Variants in KLHL23 observed in about 807,000 individuals in gnomAD.
KLHL23 encodes the protein kelch-like protein 23.
Under a neutral mutation model 48.9 loss-of-function variants are expected in KLHL23, and 33 were observed. The ratio of observed to expected loss-of-function variants is 0.67; its 90% CI spans 0.51 to 0.90. The LOEUF is 0.90. Among genes scored for constraint, KLHL23 ranks in the 40% least tolerant of loss-of-function variants. KLHL23 has a pLI of 0.00. For missense variants in KLHL23, 608 were observed against 669.6 expected (o/e 0.91, Z 1.02); for synonymous variants, 234 against 231.6 (o/e 1.01, Z -0.09).
intron 3 of KLHL23, among the ~76,000 whole-genome samples, chr2:169,748,783 C>T (rs1016668875): frequency 9.7e-6 from 1 of 103,390 alleles, no homozygotes; most frequent in Non-Finnish European, 2.1e-5. Flanking sequence ...CCCCCCCCCC[C>T]CCCATATACA....
intron 3 of KLHL23, among the ~76,000 whole-genome samples, chr2:169,743,907 G>C (rs913811087): frequency 6.6e-6 from 1 of 152,174 alleles, no homozygotes; most frequent in Admixed American, 6.5e-5. Context: ...TACCTCCTGA[G>C]GAATTAAAAT....
At position 169,749,984 on chromosome 2, in the gene KLHL23, T is replaced by C. The variant is rs1156295884; in HGVS notation, c.*252T>C. 4 of 100,194 alleles carry C rather than the reference T, an allele frequency of 4.0e-5. No homozygotes were observed. Among genetic ancestry groups the C allele is most frequent in the East Asian group, 1.6e-4 (1 of 6,124 alleles). The allele number at this position is 100,194 out of a possible 1,614,324, so 6.2% of individuals were successfully genotyped here. A position where few individuals can be genotyped will look rare whatever the true frequency, so the allele number is the denominator to read the frequency against. On this transcript the variant is annotated 3_prime_UTR_variant, in exon 4 of 4. Transcript: ENST00000392647. ...ATGTATACATATATATGTGTATATA[T>C]ACGTATGTATACATATATGTGTATA...
intron 3 of KLHL23, among the ~76,000 whole-genome samples, chr2:169,744,502 C>T (rs990913434): frequency 6.6e-6 from 1 of 151,124 alleles, no homozygotes; most frequent in African/African-American, 2.4e-5. Context: ...AATGGGAGAT[C>T]GGATGGGAGA....
At chr2:169,740,833 A>G (rs1329301126) in intron 2 of KLHL23, among the ~76,000 whole-genome samples, 2 of 146,546 alleles carry the variant, frequency 1.4e-5, no homozygotes. Flanking sequence ...CTTTTTTGTT[A>G]AAAAAGTAAG....
intron 1 of KLHL23, among the ~76,000 whole-genome samples, chr2:169,734,378 C>T (rs1005239893): frequency 6.7e-6 from 1 of 148,948 alleles, no homozygotes; most frequent in Non-Finnish European, 1.5e-5. Context: ...CTCCTGGCCC[C>T]GGGGCGGGGC....
chr2:169,749,918 T>TATATAG lies in KLHL23; in HGVS notation c.*191_*192insGATATA. The TATATAG allele has an allele frequency of 5.3e-6, 1 of 188,850 alleles. No homozygotes were observed. The allele number at this position is 188,850 out of a possible 1,614,324, so 11.7% of individuals were successfully genotyped here. A position where few individuals can be genotyped will look rare whatever the true frequency, so the allele number is the denominator to read the frequency against. On this transcript the variant is annotated 3_prime_UTR_variant, in exon 4 of 4. Coordinates refer to ENST00000392647, the MANE Select transcript of KLHL23 (RefSeq NM_144711.6). ...ATTCATGGTCAAGAAAAATCTTATA[T>TATATAG]ATATATATATATACACACACACATA... is the stretch of plus-strand genomic sequence containing the variant.
Position 169,735,251 on chromosome 2 carries a change from A to C in KLHL23, c.237A>C (p.Lys79Asn). ...AAGAAAAATTTAAAAATAAAATAAAACTCTCTGGCATCCACCATGATATTC... is the reference window on the plus strand; with the variant it reads ...AAGAAAAATTTAAAAATAAAATAAACCTCTCTGGCATCCACCATGATATTC... ...DMKEKFKNKI[K>N]LSGIHHDILE... is the part of the protein sequence containing the mutation. The change falls in exon 2 of 4, where the codon AAA becomes AAC. Residue 79 changes from lysine to asparagine, a missense_variant. Physicochemically the swap from Lys to Asn is moderately conservative, Grantham distance 94. Transcript: ENST00000392647. This position sits in a 1 kb window ranked among gnomAD's most constrained non-coding sequence, Gnocchi z 4.5. 6.2e-7 allele frequency: 1 copy of C among 1,604,238 alleles called. No homozygotes were observed. Among genetic ancestry groups the C allele is most frequent in the Non-Finnish European group, 8.5e-7 (1 of 1,177,826 alleles).
At chr2:169,740,766 T>TTATATATATATATATATA (rs55779546) in intron 2 of KLHL23, among the ~76,000 whole-genome samples, 11 of 125,498 alleles carry the variant, frequency 8.8e-5, no homozygotes, top group African/African-American at 3.0e-4. Flanking sequence ...CTTTTTTATA[T>TTATATATATATATATATA]TATATATATA....
rs1442051976 is a variant in KLHL23 at position 169,750,219 on chromosome 2, A to G, written c.*487A>G. The G allele has an allele frequency of 2.6e-5, 4 of 153,814 alleles. No homozygotes were observed. Among genetic ancestry groups the G allele is most frequent in the Non-Finnish European group, 5.9e-5 (4 of 68,114 alleles). The allele number at this position is 153,814 out of a possible 1,614,324, so 9.5% of individuals were successfully genotyped here. ...CTGGTTTTCAAAGGTAATATAGAAT[A>G]TTTGACACTTGGTAAAAGGTGAACT... is the stretch of plus-strand genomic sequence containing the variant. On this transcript the variant is annotated 3_prime_UTR_variant, in exon 4 of 4. Coordinates refer to ENST00000392647, the MANE Select transcript of KLHL23 (RefSeq NM_144711.6).
chr2:169,735,692 C>G lies in KLHL23; in HGVS notation c.678C>G (p.Ile226Met), dbSNP rs1489258258. ...GCCTCTATAATCTACTGAGCTATAT[C>G]AACATTGATATAGATCCAGTGTACT... ...IECLYNLLSY[I>M]NIDIDPVYLK... The change falls in exon 2 of 4, where the codon ATC becomes ATG. Residue 226 changes from isoleucine (I) to methionine (M), a missense_variant. By Grantham distance (10) the Ile-to-Met change is conservative. Transcript: ENST00000392647. This position sits in a 1 kb window ranked among gnomAD's most constrained non-coding sequence, Gnocchi z 4.5. 1 of 1,613,936 alleles carries G rather than the reference C, an allele frequency of 6.2e-7. No homozygotes were observed. The highest frequency in any genetic ancestry group is 8.5e-7 in the Non-Finnish European group (1 of 1,180,026).
Position 169,736,170 on chromosome 2 carries a change from G to A in KLHL23, c.1156G>A (p.Ala386Thr), listed in dbSNP as rs1250699205. 1 of 1,613,846 alleles carries A rather than the reference G, an allele frequency of 6.2e-7. No individual in the cohort carries two copies. The highest frequency in any genetic ancestry group is 8.5e-7 in the Non-Finnish European group (1 of 1,179,992). The change falls in exon 2 of 4, where the codon GCT (alanine) becomes ACT (threonine). Residue 386 changes from alanine (A) to threonine (T), a missense_variant. Physicochemically the swap from Ala to Thr is moderately conservative, Grantham distance 58. Around this residue, in one of 3 missense-constraint regions of KLHL23, gnomAD observed 419 missense variants for 473.1 expected, o/e 0.89. Transcript: ENST00000392647. ...CAGAAAAGGGGCTCCAGCAGAAGAGGCTGAGTTCTATGATCCTTTAAAAGA... is the reference window on the plus strand; with the variant it reads ...CAGAAAAGGGGCTCCAGCAGAAGAGACTGAGTTCTATGATCCTTTAAAAGA... The part of the protein sequence containing the change: ...GYRKGAPAEE[A>T]EFYDPLKEKW...
chr2:169,748,922 A>G (rs1231925479), intron 3 of KLHL23, among the ~76,000 whole-genome samples: 1 of 152,000 alleles, frequency 6.6e-6, no homozygotes. Flanking sequence ...TCTTGAGTTC[A>G]TAACTGGACT....
At chr2:169,745,350 A>G (rs1688770543) in intron 3 of KLHL23, among the ~76,000 whole-genome samples, 1 of 151,880 alleles carries the variant, frequency 6.6e-6, no homozygotes, top group Admixed American at 6.6e-5. Context: ...ATCTCTACTA[A>G]AAATACAAAA....
chr2:169,735,398 G>A lies in KLHL23; in HGVS notation c.384G>A (p.Arg128=). ...TTTCAGTAAAGAAGGCTTGTGAGCG[G>A]TTTTTGGTAAGGCACTTGGATATTG... is the stretch of plus-strand genomic sequence containing the variant. ...QFLSVKKACE[R]FLVRHLDIDN... The change falls in exon 2 of 4, where the codon CGG becomes CGA. Residue 128 remains arginine, a synonymous_variant. Transcript: ENST00000392647. This position sits in a 1 kb window ranked among gnomAD's most constrained non-coding sequence, Gnocchi z 4.5. 1.9e-5 allele frequency: 30 copies of A among 1,613,576 alleles called. No individual in the cohort carries two copies. The highest frequency in any genetic ancestry group is 2.5e-5 in the Non-Finnish European group (30 of 1,179,928).
Position 169,733,961 on chromosome 2 carries a change from G to A in KLHL23, c.-129G>A, listed in dbSNP as rs577712049. The stretch of plus-strand genomic sequence containing the variant: ...CACCAAAATAGGAGCTGCTTGTGGG[G>A]TGGAGCGGCACTAGCTGGCGGCTTC... On this transcript the variant is annotated 5_prime_UTR_variant, in exon 1 of 4. In the 5' UTR this introduces an upstream ATG that the reference lacks. Transcript: ENST00000392647. The A allele has an allele frequency of 6.6e-6, 1 of 152,134 alleles. No homozygotes were observed. Among genetic ancestry groups the A allele is most frequent in the African/African-American group, 2.4e-5 (1 of 41,418 alleles). The allele number at this position is 152,134 out of a possible 1,614,324, so 9.4% of individuals were successfully genotyped here.
chr2:169,744,831 AC>A (rs1319596213), intron 3 of KLHL23, among the ~76,000 whole-genome samples: 1 of 151,362 alleles, frequency 6.6e-6, no homozygotes, highest in African/African-American at 2.4e-5. Flanking sequence ...TGCTGGGATT[AC>A]AGGCTTGAGC....
At chr2:169,738,863 CTCTCTTCCCCCTTCCCCTCCCT>C (rs1688590874) in intron 2 of KLHL23, among the ~76,000 whole-genome samples, 1 of 2,762 alleles carries the variant, frequency 3.6e-4, no homozygotes. Context: ...TCACCCTCCC[CTCTCTTCCCCCTTCCCCTCCCT>C]CTCCTCCCTA....
chr2:169,745,479 A>C (rs1340092887), intron 3 of KLHL23, among the ~76,000 whole-genome samples: 1 of 124,372 alleles, frequency 8.0e-6, no homozygotes. Context: ...GTGCCCCTGC[A>C]CTCCAGCCTG....
chr2:169,735,257 T>A lies in KLHL23; in HGVS notation c.243T>A (p.Ser81=), dbSNP rs747162986. ...AATTTAAAAATAAAATAAAACTCTC[T>A]GGCATCCACCATGATATTCTGGAAG... is the stretch of plus-strand genomic sequence containing the variant. ...KEKFKNKIKL[S]GIHHDILEGL... Residue 81 remains serine (S), a synonymous_variant, in exon 2 of 4, where the codon TCT becomes TCA. Coordinates refer to ENST00000392647, the MANE Select transcript of KLHL23 (RefSeq NM_144711.6). The surrounding 1 kb of genome is among the most constrained non-coding windows in gnomAD (Gnocchi z 4.5). 6.2e-7 allele frequency: 1 copy of A among 1,606,908 alleles called. No homozygotes were observed. The highest frequency in any genetic ancestry group is 2.2e-5 in the East Asian group (1 of 44,858).
Sources: allele counts gnomAD v4.1 joint callset (sites outside exome capture counted in the v4.1 genomes callset), GRCh38; gene constraint gnomAD v4.1.1; regional missense constraint gnomAD v4.1.1; non-coding constraint Gnocchi (gnomAD v3.1); transcripts MANE v1.5; gene names NCBI Gene and HGNC (gene_info 2026-07-23, HGNC 2026-07-21).